The following BEGAIN variants were observed in gnomAD, a reference collection of about 807,000 sequenced individuals.
The protein encoded by BEGAIN is brain enriched guanylate kinase associated.
In BEGAIN, 19 loss-of-function variants were observed where a neutral mutation model predicts 35.8. That is an observed-to-expected ratio of 0.53 (90% CI 0.37 to 0.78). BEGAIN has a LOEUF of 0.78. Ranked by LOEUF, BEGAIN falls within the 30% of genes least tolerant of loss-of-function variation. The pLI is 0.00. For synonymous variants in BEGAIN, 462 were observed against 388.6 expected (o/e 1.19, Z -2.22); for missense variants, 795 against 853.6 (o/e 0.93, Z 0.85).
chr14:100,541,516 G>A (rs541727038), intron 5 of BEGAIN, among the ~76,000 whole-genome samples: 2 of 152,372 alleles, frequency 1.3e-5, no homozygotes, highest in African/African-American at 2.4e-5. Flanking sequence ...GGTGGAGGGC[G>A]TCGGAGTCGC....
At chr14:100,545,180 C>T (rs2032207637) in intron 3 of BEGAIN, 114 bp from the exon 4 acceptor site, 1 of 1,565,666 alleles carries the variant, frequency 6.4e-7, no homozygotes, top group Non-Finnish European at 8.6e-7. Flanking sequence ...CCTGAGCTCA[C>T]CCCACCAGCT....
intron 1 of BEGAIN, among the ~76,000 whole-genome samples, chr14:100,585,440 CCATCCATCCATCCATCCATT>C (rs2035423892): frequency 1.5e-5 from 2 of 137,478 alleles, no homozygotes; most frequent in Non-Finnish European, 3.1e-5. Flanking sequence ...ATCCATCCAT[CCATCCATCCATCCATCCATT>C]CATCCATCCA....
In BEGAIN at chr14:100,539,114, C is replaced by T. The variant is rs1193107384; in HGVS notation, c.694G>A (p.Val232Met). Residue 232 changes from valine to methionine, a missense_variant, in exon 7 of 7, where the codon GTG (valine) becomes ATG (methionine). Physicochemically the swap from Val to Met is conservative, Grantham distance 21. Transcript: ENST00000554140. ...GGGGGCCGCGGGCCTGGTTTCTCCA[C>T]CCCGTCGCAGAAGGCCAGGTCGCGG... ...SARDLAFCDGVEKPGPRPPYK... is the reference protein window; with the variant it reads ...SARDLAFCDGMEKPGPRPPYK... The T allele has an allele frequency of 1.2e-6, 2 of 1,607,872 alleles. No individual in the cohort carries two copies. The highest frequency in any genetic ancestry group is 1.3e-5 in the African/African-American group (1 of 74,804).
rs2030918907 is a variant in BEGAIN, at chr14:100,538,340, A to G, written c.1468T>C (p.Tyr490His). The change falls in exon 7 of 7, where the codon TAC becomes CAC. Residue 490 changes from tyrosine to histidine, a missense_variant. Physicochemically the swap from Tyr to His is moderately conservative, Grantham distance 83. This residue lies in a region of BEGAIN where 664 missense variants were observed against 647.7 expected (regional missense o/e 1.03). Transcript: ENST00000554140. ...CCCTCGGAGAAGCTGTCGGCCTTGTAGCTGGCGTAGAGCGGGCTGGCGCGG... is the reference window on the plus strand; with the variant it reads ...CCCTCGGAGAAGCTGTCGGCCTTGTGGCTGGCGTAGAGCGGGCTGGCGCGG... Reference protein sequence around the residue: ...DGRASPLYASYKADSFSEGDD... With the variant: ...DGRASPLYASHKADSFSEGDD... The G allele has an allele frequency of 1.3e-6, 2 of 1,518,636 alleles. No homozygotes were observed. Among genetic ancestry groups the G allele is most frequent in the Non-Finnish European group, 8.8e-7 (1 of 1,140,526 alleles). The allele number at this position is 1,518,636 out of a possible 1,614,324, so 94.1% of individuals were successfully genotyped here.
At chr14:100,578,519 G>A (rs968442840) in intron 1 of BEGAIN, among the ~76,000 whole-genome samples, 1 of 152,240 alleles carries the variant, frequency 6.6e-6, no homozygotes, top group Non-Finnish European at 1.5e-5. Context: ...TGAGATACAG[G>A]GTAGTCGGCT....
In BEGAIN at chr14:100,577,868, C is replaced by T. The variant is rs559382049; in HGVS notation, c.42+9381G>A. On this transcript the variant is annotated intron_variant, in intron 1 of 6. Transcript: ENST00000554140. ...GCTTCCTTGATGGGGGCTTCTGTCC[C>T]GGGCTCCAGGAGGGAGCTGTAGCCG... 18 of 399,298 alleles carry T rather than the reference C, an allele frequency of 4.5e-5. No individual in the cohort carries two copies. The South Asian group carries it at 1.8e-3, about 39-fold the overall frequency. 24.7% of individuals were successfully genotyped at this position (399,298 alleles called of 1,614,324 possible). A position where few individuals can be genotyped will look rare whatever the true frequency, so the allele number is the denominator to read the frequency against.
intron 2 of BEGAIN, among the ~76,000 whole-genome samples, chr14:100,564,152 C>T (rs548809018): frequency 6.4e-4 from 93 of 144,440 alleles, no homozygotes; most frequent in Non-Finnish European, 1.3e-3. Context: ...GGAAGGGTCT[C>T]GGGGGATCTC....
chr14:100,586,474 G>C lies in BEGAIN; in HGVS notation c.42+775C>G, dbSNP rs562879697. On this transcript the variant is annotated intron_variant, in intron 1 of 6. Transcript: ENST00000554140. The surrounding 1 kb of genome is among the most constrained non-coding windows in gnomAD (Gnocchi z 4.9). ...GAGACTCCAGCGCGTCGCCCACGCT[G>C]TTCCTGCCCTGAGGAAACCACATTG... Among the ~76,000 whole-genome samples, 110 of 152,260 alleles carry C rather than the reference G, an allele frequency of 7.2e-4. No homozygotes were observed. Among genetic ancestry groups the C allele is most frequent in the Non-Finnish European group, 1.0e-3 (68 of 68,018 alleles).
intron 5 of BEGAIN, among the ~76,000 whole-genome samples, chr14:100,540,831 C>G (rs995894700): frequency 1.3e-5 from 2 of 152,238 alleles, no homozygotes; most frequent in East Asian, 3.9e-4. Flanking sequence ...TGCCCTTGAG[C>G]ACTGCCAAGA....
In BEGAIN at chr14:100,546,774, GCGCGCGCACACACACACACA is replaced by G. The variant is rs749717841; in HGVS notation, c.72-132_72-113del. ...AACACGCGAGTACCGGCGCGCGCGC[GCGCGCGCACACACACACACA>G]CACACACACACACACACACTCACAC... On this transcript the variant is annotated intron_variant, in intron 2 of 6. Transcript: ENST00000554140. The G allele has an allele frequency of 2.1e-5, 16 of 756,602 alleles. No homozygotes were observed. The African/African-American group carries it at 2.7e-4, about 13-fold the overall frequency. The allele number at this position is 756,602 out of a possible 1,614,324, so 46.9% of individuals were successfully genotyped here. A position where few individuals can be genotyped will look rare whatever the true frequency, so the allele number is the denominator to read the frequency against.
At chr14:100,544,871 C>G in intron 4 of BEGAIN, 129 bp downstream of exon 4, 1 of 934,820 alleles carries the variant, frequency 1.1e-6, no homozygotes, top group Non-Finnish European at 1.7e-6. Flanking sequence ...CCACATGTTC[C>G]ATGGAGAAAG....
At chr14:100,551,916 C>T (rs935078178) in intron 2 of BEGAIN, among the ~76,000 whole-genome samples, 2 of 152,292 alleles carry the variant, frequency 1.3e-5, no homozygotes, top group South Asian at 2.1e-4. Flanking sequence ...CTGGACAGGA[C>T]TTTGGAATTC....
At chr14:100,546,440 C>CG in intron 3 of BEGAIN, 61 bp downstream of exon 3, 9 of 93,736 alleles carry the variant, frequency 9.6e-5, no homozygotes, top group Admixed American at 1.7e-4. Context: ...GCCCTCGCCC[C>CG]GCCCCGGCCC....
chr14:100,575,977 G>A (rs2035193504), intron 1 of BEGAIN, among the ~76,000 whole-genome samples: 2 of 152,168 alleles, frequency 1.3e-5, no homozygotes, highest in Non-Finnish European at 2.9e-5. Context: ...CAGCAGAGAA[G>A]TGGGGCTCCC....
rs1156404841 is a variant in BEGAIN at position 100,545,192 on chromosome 14, C to T, written c.234-126G>A. The T allele has an allele frequency of 2.8e-5, 44 of 1,547,496 alleles. No individual in the cohort carries two copies. The South Asian group carries it at 5.0e-4, about 18-fold the overall frequency. On this transcript the variant is annotated intron_variant, in intron 3 of 6. Transcript: ENST00000554140. ...CCTCCTGAGCTCACCCCACCAGCTTCACCCTGGTGGAATGTGTGCCCCTCT... is the reference window on the plus strand; with the variant it reads ...CCTCCTGAGCTCACCCCACCAGCTTTACCCTGGTGGAATGTGTGCCCCTCT...
Position 100,573,706 on chromosome 14 carries a change from G to A in BEGAIN, c.43-5767C>T, listed in dbSNP as rs2035140536. Among the ~76,000 whole-genome samples, 1 of 152,154 alleles carries A rather than the reference G, an allele frequency of 6.6e-6. No individual in the cohort carries two copies. Among genetic ancestry groups the A allele is most frequent in the African/African-American group, 2.4e-5 (1 of 41,432 alleles). On this transcript the variant is annotated intron_variant, in intron 1 of 6. Transcript: ENST00000554140. This position sits in a 1 kb window ranked among gnomAD's most constrained non-coding sequence, Gnocchi z 4.2. ...ACATGGGGAATTCAGGGCTGGTGGT[G>A]CCCCTTGGCCATCCCAGGGGAGACA...
intron 2 of BEGAIN, among the ~76,000 whole-genome samples, chr14:100,553,303 C>A (rs1479639848): frequency 6.6e-6 from 1 of 152,080 alleles, no homozygotes; most frequent in East Asian, 1.9e-4. Context: ...ACAATTGCCG[C>A]CATCCTACAG....
intron 1 of BEGAIN, among the ~76,000 whole-genome samples, chr14:100,580,035 T>C (rs2035283985): frequency 6.6e-6 from 1 of 151,624 alleles, no homozygotes; most frequent in Admixed American, 6.6e-5. Flanking sequence ...CCGGGTGCGG[T>C]GGCTCACGCC....
chr14:100,538,912 G>A lies in BEGAIN; in HGVS notation c.896C>T (p.Ala299Val), dbSNP rs141153621. ...GGGGAAGGCCTCATGCTGGAAGCCC[G>A]CCGGGAAGGCCGCCGCCTCGGCCTC... ...EEEAEAAAFPAGFQHEAFPSY... is the reference protein window; with the variant it reads ...EEEAEAAAFPVGFQHEAFPSY... Residue 299 changes from alanine to valine, a missense_variant, in exon 7 of 7, where the codon GCG (alanine) becomes GTG (valine). Ala to Val is a moderately conservative substitution (Grantham distance 64, BLOSUM62 0). Transcript: ENST00000554140. 4 of 1,607,274 alleles carry A rather than the reference G, an allele frequency of 2.5e-6. No individual in the cohort carries two copies. In the South Asian group the frequency reaches 3.3e-5, roughly 13 times the overall value.
Sources: gnomAD v4.1 joint callset for allele counts (sites outside exome capture counted in the v4.1 genomes callset) on GRCh38, gnomAD v4.1.1 for gene constraint, gnomAD v4.1.1 regional missense constraint, Gnocchi (gnomAD v3.1) non-coding constraint, MANE v1.5 for transcripts, NCBI Gene and HGNC (gene_info 2026-07-23, HGNC 2026-07-21) for gene names.